The following SMAD3 variants were observed in gnomAD, a reference collection of about 807,000 sequenced individuals.
SMAD3 encodes MAD homolog 3.
Under a neutral mutation model 51.8 loss-of-function variants are expected in SMAD3, and 12 were observed. The observed-to-expected ratio is 0.23, with a 90% CI of 0.15 to 0.38. The LOEUF is 0.38. Among genes scored for constraint, SMAD3 ranks in the 10% least tolerant of loss-of-function variants. SMAD3 has a pLI of 1.00. For missense variants in SMAD3, 294 were observed against 565.6 expected (o/e 0.52, Z 4.87); for synonymous variants, 238 against 227.7 (o/e 1.05, Z -0.41).
At chr15:67,123,713 G>C (rs1286542111) in intron 1 of SMAD3, among the ~76,000 whole-genome samples, 1 of 152,186 alleles carries the variant, frequency 6.6e-6, no homozygotes, top group Non-Finnish European at 1.5e-5. Context: ...TTTTGAAATA[G>C]TCTTTTTTTG....
intron 1 of SMAD3, among the ~76,000 whole-genome samples, chr15:67,152,715 C>T (rs1962179537): frequency 6.6e-6 from 1 of 152,204 alleles, no homozygotes; most frequent in East Asian, 1.9e-4. Flanking sequence ...TCCCTTTCTT[C>T]CAGTAGTCAC....
At chr15:67,075,307 A>G (rs1378081558) in intron 1 of SMAD3, among the ~76,000 whole-genome samples, 2 of 152,176 alleles carry the variant, frequency 1.3e-5, no homozygotes, top group Non-Finnish European at 2.9e-5. Flanking sequence ...GTCAGACTCA[A>G]GGTGGGTCTA....
intron 1 of SMAD3, among the ~76,000 whole-genome samples, chr15:67,150,006 T>G (rs1222839634): frequency 6.6e-6 from 1 of 152,144 alleles, no homozygotes; most frequent in Admixed American, 6.5e-5. Flanking sequence ...AACTGAAAGG[T>G]TTGCAAATCC....
At chr15:67,151,966 T>A (rs900565125) in intron 1 of SMAD3, among the ~76,000 whole-genome samples, 1 of 152,178 alleles carries the variant, frequency 6.6e-6, no homozygotes, top group African/African-American at 2.4e-5. Context: ...TATTACATAA[T>A]AATTGTAAAC....
intron 1 of SMAD3, chr15:67,143,143 C>G (rs1961878654): frequency 5.0e-6 from 1 of 201,562 alleles, no homozygotes; most frequent in Non-Finnish European, 1.1e-5. Context: ...CAGAATGGTA[C>G]TTTTCAAGTC....
At chr15:67,086,290 A>G (rs1485767429) in intron 1 of SMAD3, among the ~76,000 whole-genome samples, 1 of 152,108 alleles carries the variant, frequency 6.6e-6, no homozygotes, top group Non-Finnish European at 1.5e-5. Flanking sequence ...CTTTGGTGAG[A>G]GAGTGTCCCT....
chr15:67,138,763 C>T (rs746041183), intron 1 of SMAD3, among the ~76,000 whole-genome samples: 1 of 152,158 alleles, frequency 6.6e-6, no homozygotes, highest in Non-Finnish European at 1.5e-5. Context: ...CCAAAAAGTC[C>T]AGCTGAGAAT....
intron 1 of SMAD3, chr15:67,146,045 G>A (rs1961966880): frequency 6.6e-6 from 1 of 152,200 alleles, no homozygotes; most frequent in Non-Finnish European, 1.5e-5. Context: ...AATATAGAGT[G>A]CTTACCATAA....
chr15:67,168,795 C>T (rs1209338345), intron 4 of SMAD3, among the ~76,000 whole-genome samples: 1 of 152,144 alleles, frequency 6.6e-6, no homozygotes, highest in Non-Finnish European at 1.5e-5. Context: ...GGACCCCAGC[C>T]AGTGTGTGGG....
At chr15:67,182,996 A>ATATATATATAT (rs1429510155) in intron 6 of SMAD3, among the ~76,000 whole-genome samples, 6 of 55,366 alleles carry the variant, frequency 1.1e-4, no homozygotes, top group South Asian at 7.3e-4. Context: ...TAAAAAAAAA[A>ATATATATATAT]AAAAATATAT....
At chr15:67,167,783 G>A (rs1566992976) in intron 4 of SMAD3, among the ~76,000 whole-genome samples, 1 of 152,172 alleles carries the variant, frequency 6.6e-6, no homozygotes. Flanking sequence ...AACCCCAGCT[G>A]CCACATAGAA....
chr15:67,131,403 A>G lies in SMAD3; in HGVS notation c.207-33492A>G, dbSNP rs543788410. Reference sequence around the variant, plus strand: ...GTTGAGTTGTTTCTATTTGCCAGGCATCGAGCTGTGTTCTCGGGTTTCATT... The same window carrying G: ...GTTGAGTTGTTTCTATTTGCCAGGCGTCGAGCTGTGTTCTCGGGTTTCATT... On this transcript the variant is annotated intron_variant, in intron 1 of 8. Transcript: ENST00000327367. 6.6e-5 allele frequency among the ~76,000 whole-genome samples: 10 copies of G among 152,256 alleles called. No homozygotes were observed. In the South Asian group the frequency reaches 1.9e-3, roughly 28 times the overall value.
At chr15:67,147,749 A>C (rs781715399) in intron 1 of SMAD3, among the ~76,000 whole-genome samples, 42 of 152,086 alleles carry the variant, frequency 2.8e-4, no homozygotes, top group Non-Finnish European at 5.1e-4. Context: ...CTGATTTTTG[A>C]GGTCAGTAAT....
intron 1 of SMAD3, among the ~76,000 whole-genome samples, chr15:67,124,266 G>A (rs1288436870): frequency 6.6e-6 from 1 of 152,204 alleles, no homozygotes; most frequent in Non-Finnish European, 1.5e-5. Flanking sequence ...TAAGATTACA[G>A]GCATATGCCA....
chr15:67,065,951 G>A lies in SMAD3; in HGVS notation c.-204G>A. 1 of 210,118 alleles carries A rather than the reference G, an allele frequency of 4.8e-6. No individual in the cohort carries two copies. Among genetic ancestry groups the A allele is most frequent in the Non-Finnish European group, 9.5e-6 (1 of 105,152 alleles). The allele number at this position is 210,118 out of a possible 1,614,324, so 13.0% of individuals were successfully genotyped here. A position where few individuals can be genotyped will look rare whatever the true frequency, so the allele number is the denominator to read the frequency against. ...CGCTCTTCTCTTCGCCGTGGGAGCC[G>A]CTCCGGGCGCAGGGCCGCGCGCCGA... On this transcript the variant is annotated 5_prime_UTR_variant, in exon 1 of 9. Coordinates refer to ENST00000327367, the MANE Select transcript of SMAD3 (RefSeq NM_005902.4).
chr15:67,092,213 A>G (rs2140215232), intron 1 of SMAD3, among the ~76,000 whole-genome samples: 1 of 152,342 alleles, frequency 6.6e-6, no homozygotes, highest in South Asian at 2.1e-4. Context: ...ACAGCAGAGC[A>G]CAGGAAGATG....
chr15:67,115,869 G>C lies in SMAD3; in HGVS notation c.207-49026G>C, dbSNP rs1391162676. On this transcript the variant is annotated intron_variant, in intron 1 of 8. Coordinates refer to ENST00000327367, the MANE Select transcript of SMAD3 (RefSeq NM_005902.4). ...CCTGATTCCATTTGAGCAAGGGGTG[G>C]TGGTCTGGGAAGGTTCCCCCAAGGA... is the stretch of plus-strand genomic sequence containing the variant. Among the ~76,000 whole-genome samples, 4 of 152,196 alleles carry C rather than the reference G, an allele frequency of 2.6e-5. No homozygotes were observed. The East Asian group carries it at 7.7e-4, about 29-fold the overall frequency.
intron 1 of SMAD3, chr15:67,125,889 C>G: frequency 1.0e-6 from 1 of 985,486 alleles, no homozygotes; most frequent in Non-Finnish European, 1.2e-6. Flanking sequence ...ACCAGGAACC[C>G]CACACGCTGG....
chr15:67,143,483 G>A (rs772149148), intron 1 of SMAD3, among the ~76,000 whole-genome samples: 3 of 152,210 alleles, frequency 2.0e-5, no homozygotes, highest in African/African-American at 7.2e-5. Context: ...AGCCCAGGCT[G>A]GAGTACAGTG....
Sources: gnomAD v4.1 joint callset for allele counts (sites outside exome capture counted in the v4.1 genomes callset) on GRCh38, gnomAD v4.1.1 for gene constraint, MANE v1.5 for transcripts, NCBI Gene and HGNC (gene_info 2026-07-23, HGNC 2026-07-21) for gene names.